The following TTC23 variants were observed in gnomAD, a reference collection of about 807,000 sequenced individuals.
The protein encoded by TTC23 is tetratricopeptide repeat domain 23.
A neutral mutation model predicts 55.1 loss-of-function variants in TTC23; 58 were observed. The ratio of observed to expected loss-of-function variants is 1.05; its 90% CI spans 0.85 to 1.31. TTC23 has a LOEUF of 1.31. TTC23 is among the 50% of genes most tolerant of loss of function. TTC23 has a pLI of 0.00. For missense variants in TTC23, 516 were observed against 534.4 expected (o/e 0.97, Z 0.34); for synonymous variants, 203 against 199.9 (o/e 1.02, Z -0.13).
At chr15:99,143,955 A>G (rs1239405695) in intron 12 of TTC23, among the ~76,000 whole-genome samples, 1 of 152,072 alleles carries the variant, frequency 6.6e-6, no homozygotes, top group Non-Finnish European at 1.5e-5. Flanking sequence ...ACACAGTTGG[A>G]CCCTAGGGCT....
chr15:99,147,834 G>A (rs2069139485), intron 12 of TTC23, among the ~76,000 whole-genome samples: 1 of 152,108 alleles, frequency 6.6e-6, no homozygotes. Context: ...TGGCTCTGTG[G>A]GAACTCCAAA....
At chr15:99,202,440 C>CT (rs1219562336) in intron 8 of TTC23, among the ~76,000 whole-genome samples, 4 of 152,080 alleles carry the variant, frequency 2.6e-5, no homozygotes, top group African/African-American at 9.7e-5. Context: ...TGGGCAACTG[C>CT]TTTTAAAGAA....
chr15:99,186,971 T>A (rs1342728631), intron 9 of TTC23, among the ~76,000 whole-genome samples: 2 of 151,992 alleles, frequency 1.3e-5, no homozygotes, highest in Middle Eastern at 3.2e-3. Context: ...GATCCTAAAA[T>A]TCACATAAAA....
At chr15:99,240,727 A>G (rs1366939295) in intron 3 of TTC23, among the ~76,000 whole-genome samples, 1 of 152,244 alleles carries the variant, frequency 6.6e-6, no homozygotes, top group African/African-American at 2.4e-5. Flanking sequence ...AAAGGCCAAC[A>G]GAGAAGGATA....
At chr15:99,233,996 C>G (rs891895262) in intron 4 of TTC23, among the ~76,000 whole-genome samples, 4 of 151,996 alleles carry the variant, frequency 2.6e-5, no homozygotes, top group African/African-American at 9.7e-5. Context: ...AAACAAAAAA[C>G]CCCTTTGATC....
At chr15:99,224,665 G>A (rs2078238472) in intron 5 of TTC23, among the ~76,000 whole-genome samples, 1 of 152,228 alleles carries the variant, frequency 6.6e-6, no homozygotes, top group Non-Finnish European at 1.5e-5. Flanking sequence ...TAAAGGATAT[G>A]CAAAATTCTG....
intron 8 of TTC23, among the ~76,000 whole-genome samples, chr15:99,216,691 C>A (rs1305297910): frequency 6.6e-6 from 1 of 152,148 alleles, no homozygotes; most frequent in Non-Finnish European, 1.5e-5. Flanking sequence ...ACGTTATATG[C>A]ACCAGGTTGG....
At chr15:99,190,856 ACT>A (rs1440883112) in intron 9 of TTC23, among the ~76,000 whole-genome samples, 2 of 151,874 alleles carry the variant, frequency 1.3e-5, no homozygotes, top group African/African-American at 4.8e-5. Context: ...ATCTTGGCTC[ACT>A]CTAGCCTCGG....
At position 99,228,581 on chromosome 15, in the gene TTC23, T is replaced by G. The variant is rs767660866; in HGVS notation, c.132A>C (p.Lys44Asn). ...QTALFQPPRE[K>N]LHLCEEKAKS... ...TTGCTTTCTCTTCACAGAGGTGGAG[T>G]TTCTCTCGAGGAGGCTGGAATAGTG... Residue 44 changes from lysine (K) to asparagine (N), a missense_variant, in exon 5 of 14, where the codon AAA (lysine) becomes AAC (asparagine). Lys to Asn is a moderately conservative substitution (Grantham distance 94). Coordinates refer to ENST00000394132, the MANE Select transcript of TTC23 (RefSeq NM_001288615.3). 6.2e-7 allele frequency: 1 copy of G among 1,613,646 alleles called. No individual in the cohort carries two copies. The highest frequency in any genetic ancestry group is 1.1e-5 in the South Asian group (1 of 91,002).
rs759387845 is a variant in TTC23, at chr15:99,156,251, G to A, written c.1040C>T (p.Ala347Val). The change falls in exon 12 of 14, where the codon GCA becomes GTA. Residue 347 changes from alanine to valine, a missense_variant. Ala to Val is a moderately conservative substitution (Grantham distance 64). Transcript: ENST00000394132. ...CACCTCGGGACTGAAATCGCCAAATGCTTCCACTTTGGCTTCCAGGGACTC... is the reference window on the plus strand; with the variant it reads ...CACCTCGGGACTGAAATCGCCAAATACTTCCACTTTGGCTTCCAGGGACTC... ...LRESLEAKVE[A>V]FGDFSPEVAE... 6.2e-7 allele frequency: 1 copy of A among 1,614,134 alleles called. No individual in the cohort carries two copies.
At chr15:99,178,305 T>A (rs1410732717) in intron 9 of TTC23, among the ~76,000 whole-genome samples, 2 of 152,362 alleles carry the variant, frequency 1.3e-5, no homozygotes, top group East Asian at 3.9e-4. Context: ...TTATTCATTA[T>A]TCACTTCAGA....
At chr15:99,155,365 A>G (rs1288028721) in intron 12 of TTC23, 1 of 152,224 alleles carries the variant, frequency 6.6e-6, no homozygotes, top group Non-Finnish European at 1.5e-5. Context: ...CAAAGTTGTC[A>G]ATTCTCACAA....
At position 99,139,136 on chromosome 15, in the gene TTC23, C is replaced by T. The variant is rs372048182; in HGVS notation, c.1226+181G>A. ...TTAAAGGATGAATTATTTTTAAATA[C>T]CTGGGCAAGGAAGATCTTTTACAAC... On this transcript the variant is annotated intron_variant, in intron 13 of 13. Coordinates refer to ENST00000394132, the MANE Select transcript of TTC23 (RefSeq NM_001288615.3). 26 of 764,536 alleles carry T rather than the reference C, an allele frequency of 3.4e-5. No homozygotes were observed. The African/African-American group carries it at 4.1e-4, about 12-fold the overall frequency. 47.4% of individuals were successfully genotyped at this position (764,536 alleles called of 1,614,324 possible). A position where few individuals can be genotyped will look rare whatever the true frequency, so the allele number is the denominator to read the frequency against.
chr15:99,162,006 C>A (rs1422789887), intron 10 of TTC23, 139 bp from the exon 11 acceptor site: 22 of 816,026 alleles, frequency 2.7e-5, no homozygotes, highest in Non-Finnish European at 3.9e-5. Context: ...CTGTCCTTTG[C>A]CCATTAATCT....
intron 12 of TTC23, among the ~76,000 whole-genome samples, chr15:99,147,426 T>C (rs1366320704): frequency 9.2e-5 from 14 of 151,424 alleles, no homozygotes; most frequent in Non-Finnish European, 1.3e-4. Context: ...GGAGTTTCAC[T>C]TTGTTAGCCA....
rs2077979257 is a variant in TTC23 at position 99,222,015 on chromosome 15, A to G, written c.181-151T>C. ...GCACTTGAGATGTATCAGAGAACAAAACAGACAAAGATCTATTTGGGGTGG... is the reference window on the plus strand; with the variant it reads ...GCACTTGAGATGTATCAGAGAACAAGACAGACAAAGATCTATTTGGGGTGG... On this transcript the variant is annotated intron_variant, in intron 5 of 13. Coordinates refer to ENST00000394132, the MANE Select transcript of TTC23 (RefSeq NM_001288615.3). 6 of 849,734 alleles carry G rather than the reference A, an allele frequency of 7.1e-6. No homozygotes were observed. In the Admixed American group the frequency reaches 1.4e-4, roughly 20 times the overall value. 52.6% of individuals were successfully genotyped at this position (849,734 alleles called of 1,614,324 possible).
At chr15:99,144,894 T>C (rs964661101) in intron 12 of TTC23, 2 of 152,296 alleles carry the variant, frequency 1.3e-5, no homozygotes, top group East Asian at 1.9e-4. Flanking sequence ...AACTTGAAAA[T>C]TGTGCTTCTG....
chr15:99,172,454 G>T (rs2073071162), intron 10 of TTC23, among the ~76,000 whole-genome samples: 1 of 152,172 alleles, frequency 6.6e-6, no homozygotes, highest in South Asian at 2.1e-4. Flanking sequence ...TTCTTCCTGT[G>T]TCCCTTGTCT....
Position 99,156,195 on chromosome 15 carries a change from C to A in TTC23, c.1096G>T (p.Asp366Tyr). 1.2e-6 allele frequency: 2 copies of A among 1,614,216 alleles called. No individual in the cohort carries two copies. The highest frequency in any genetic ancestry group is 8.5e-7 in the Non-Finnish European group (1 of 1,180,038). The change falls in exon 12 of 14, where the codon GAC becomes TAC. Residue 366 changes from aspartate to tyrosine, a missense_variant. Physicochemically the swap from Asp to Tyr is radical, Grantham distance 160 (BLOSUM62 -3). Transcript: ENST00000394132. The part of the protein sequence containing the change: ...AETYRLLGGA[D>Y]LAQGNHSGAR... ...CCACTGTGGTTCCCCTGCGCCAGGT[C>A]TGCTCCTCCCAGGAGCCGGTATGTC...
Sources: allele counts gnomAD v4.1 joint callset (sites outside exome capture counted in the v4.1 genomes callset), GRCh38; gene constraint gnomAD v4.1.1; transcripts MANE v1.5; gene names NCBI Gene and HGNC (gene_info 2026-07-23, HGNC 2026-07-21).